The following RAD50 variants were observed in gnomAD, a reference collection of about 807,000 sequenced individuals.
RAD50 encodes DNA repair protein RAD50.
Under a neutral mutation model 168.8 loss-of-function variants are expected in RAD50, and 132 were observed. The observed-to-expected ratio is 0.78, with a 90% CI of 0.68 to 0.90. The LOEUF (loss-of-function observed/expected upper bound fraction) is 0.90. Ranked by LOEUF, RAD50 falls within the 40% of genes least tolerant of loss-of-function variation. The probability of loss-of-function intolerance (pLI) is 0.00; values close to 1 mark genes in which losing one functional copy is unlikely to be tolerated. For synonymous variants in RAD50, 525 were observed against 497.4 expected (o/e 1.06, Z -0.74); for missense variants, 1,347 against 1,534.4 (o/e 0.88, Z 2.04).
chr5:132,625,340 C>T (rs1751355774), intron 21 of RAD50, among the ~76,000 whole-genome samples: 1 of 152,106 alleles, frequency 6.6e-6, no homozygotes, highest in Non-Finnish European at 1.5e-5. Context: ...CCCGCCTCGG[C>T]CTCCCAAAGT....
At chr5:132,561,901 T>A (rs542608194) in intron 2 of RAD50, among the ~76,000 whole-genome samples, 2 of 152,290 alleles carry the variant, frequency 1.3e-5, no homozygotes, top group South Asian at 2.1e-4. Flanking sequence ...GGCCACTGTG[T>A]TCCTGTTCCA....
intron 1 of RAD50, among the ~76,000 whole-genome samples, chr5:132,558,875 G>A (rs1750068163): frequency 6.6e-6 from 1 of 152,148 alleles, no homozygotes; most frequent in Admixed American, 6.5e-5. Context: ...CAGCTGCACT[G>A]CAGCCTGGGC....
chr5:132,635,491 CTT>C (rs1751562316), intron 21 of RAD50, among the ~76,000 whole-genome samples: 1 of 152,208 alleles, frequency 6.6e-6, no homozygotes. Flanking sequence ...CCGACACACT[CTT>C]TGGTGGGTTG....
Position 132,609,210 on chromosome 5 carries a change from G to A in RAD50, c.2922+1G>A, listed in dbSNP as rs1581004749. On this transcript the variant is annotated splice_donor_variant, in intron 18 of 24. Transcript: ENST00000378823. LOFTEE classifies it high-confidence loss of function. ...AGATGGGAAAGACGACTATAAGAAG[G>A]TAATTTAAAACTTAAAATTATTTAT... 3.1e-6 allele frequency: 5 copies of A among 1,610,152 alleles called. No homozygotes were observed. Among genetic ancestry groups the A allele is most frequent in the Non-Finnish European group, 4.2e-6 (5 of 1,178,278 alleles).
intron 21 of RAD50, among the ~76,000 whole-genome samples, chr5:132,630,260 T>C (rs1308341053): frequency 2.0e-5 from 3 of 152,132 alleles, no homozygotes; most frequent in Admixed American, 2.0e-4. Flanking sequence ...GCCAGGATGG[T>C]CTTGATCTCT....
chr5:132,578,254 A>C (rs1750434448), intron 3 of RAD50, among the ~76,000 whole-genome samples: 1 of 152,238 alleles, frequency 6.6e-6, no homozygotes, highest in Admixed American at 6.5e-5. Flanking sequence ...CACCTTGGTG[A>C]ATGATACCAC....
rs786201205 is a variant in RAD50, at chr5:132,642,194, T to G, written c.3769T>G (p.Ser1257Ala). 1.2e-5 allele frequency: 19 copies of G among 1,613,986 alleles called. No individual in the cohort carries two copies. In the Admixed American group the frequency reaches 2.2e-4, roughly 18 times the overall value. ...HALVEIIKSRSQQRNFQLLVI... is the reference protein window; with the variant it reads ...HALVEIIKSRAQQRNFQLLVI... ...TTGTTGCAGGATAATAAAAAGTCGC[T>G]CACAGCAGCGTAACTTCCAGCTTCT... The change falls in exon 25 of 25, where the codon TCA becomes GCA. Residue 1257 changes from serine to alanine, a missense_variant. Physicochemically the swap from Ser to Ala is moderately conservative, Grantham distance 99. Coordinates refer to ENST00000378823, the MANE Select transcript of RAD50 (RefSeq NM_005732.4).
At chr5:132,623,214 C>T (rs568851552) in intron 21 of RAD50, among the ~76,000 whole-genome samples, 1 of 152,314 alleles carries the variant, frequency 6.6e-6, no homozygotes, top group African/African-American at 2.4e-5. Context: ...CACGGTGGCT[C>T]ATGCCTGTAA....
intron 21 of RAD50, among the ~76,000 whole-genome samples, chr5:132,629,967 A>G (rs552933352): frequency 1.5e-4 from 23 of 152,114 alleles, no homozygotes; most frequent in Admixed American, 1.1e-3. Context: ...CACTCAAGAT[A>G]TGGTGTTCTA....
At chr5:132,626,138 G>A (rs1751368698) in intron 21 of RAD50, among the ~76,000 whole-genome samples, 2 of 152,198 alleles carry the variant, frequency 1.3e-5, no homozygotes, top group South Asian at 4.2e-4. Context: ...CCACAGTGCT[G>A]GAATTAGACG....
chr5:132,581,526 A>G (rs1750504776), intron 5 of RAD50, among the ~76,000 whole-genome samples: 1 of 152,238 alleles, frequency 6.6e-6, no homozygotes, highest in African/African-American at 2.4e-5. Flanking sequence ...TCCATTTCTC[A>G]TCTCTAACCT....
At chr5:132,565,162 G>A (rs879762401) in intron 2 of RAD50, among the ~76,000 whole-genome samples, 1 of 152,124 alleles carries the variant, frequency 6.6e-6, no homozygotes, top group Non-Finnish European at 1.5e-5. Context: ...CATGTAAGAT[G>A]TGCCAGCATC....
At chr5:132,575,203 G>C (rs369341363) in intron 2 of RAD50, among the ~76,000 whole-genome samples, 15 of 152,200 alleles carry the variant, frequency 9.9e-5, no homozygotes, top group East Asian at 9.7e-4. Context: ...CACCTGGCTT[G>C]GGAGGCCTCA....
At chr5:132,595,918 T>G (rs1750784943) in intron 13 of RAD50, 108 bp downstream of exon 13, 1 of 955,854 alleles carries the variant, frequency 1.0e-6, no homozygotes, top group Admixed American at 1.7e-5. Flanking sequence ...TGAGCTGGTA[T>G]GCCCTGTCTT....
At chr5:132,559,170 A>T in intron 1 of RAD50, 114 bp from the exon 2 acceptor site, 1 of 1,073,042 alleles carries the variant, frequency 9.3e-7, no homozygotes, top group Non-Finnish European at 1.3e-6. Context: ...ATAATGTCAG[A>T]TTTTATCTTT....
intron 21 of RAD50, among the ~76,000 whole-genome samples, chr5:132,619,003 T>C (rs1157707399): frequency 6.6e-6 from 1 of 152,218 alleles, no homozygotes; most frequent in East Asian, 1.9e-4. Flanking sequence ...AAAAATGATA[T>C]GATATTCTAG....
At chr5:132,567,086 G>T (rs1191409205) in intron 2 of RAD50, among the ~76,000 whole-genome samples, 1 of 152,126 alleles carries the variant, frequency 6.6e-6, no homozygotes, top group Non-Finnish European at 1.5e-5. Flanking sequence ...CCTACAAAGT[G>T]CCTGTAAATA....
At chr5:132,598,907 G>A (rs530764565) in intron 13 of RAD50, among the ~76,000 whole-genome samples, 11 of 152,314 alleles carry the variant, frequency 7.2e-5, no homozygotes, top group South Asian at 6.2e-4. Context: ...CAGTGAGGGA[G>A]GATACTGTAT....
chr5:132,588,345 G>A (rs747914275), intron 7 of RAD50, among the ~76,000 whole-genome samples: 1 of 152,168 alleles, frequency 6.6e-6, no homozygotes, highest in Non-Finnish European at 1.5e-5. Flanking sequence ...AACAAAAAGA[G>A]AGTCCTTGTA....
Sources: allele counts gnomAD v4.1 joint callset (sites outside exome capture counted in the v4.1 genomes callset), GRCh38; gene constraint gnomAD v4.1.1; transcripts MANE v1.5; gene names NCBI Gene and HGNC (gene_info 2026-07-23, HGNC 2026-07-21).